The following LRRN2 variants were observed in gnomAD, a reference collection of about 807,000 sequenced individuals.
LRRN2 encodes the protein leucine-rich repeat neuronal protein 2.
LRRN2 carries 10 observed loss-of-function variants against 35.7 expected under a neutral mutation model. The ratio of observed to expected loss-of-function variants is 0.28; its 90% CI spans 0.17 to 0.47. The LOEUF is 0.47. LRRN2 is among the 20% of genes least tolerant of loss of function. LRRN2 has a pLI of 0.99. For missense variants in LRRN2, 731 were observed against 940.3 expected (o/e 0.78, Z 2.91); for synonymous variants, 391 against 409.6 (o/e 0.95, Z 0.55).
chr1:204,623,837 T>C (rs1667106484), intron 1 of LRRN2, among the ~76,000 whole-genome samples: 1 of 152,208 alleles, frequency 6.6e-6, no homozygotes, highest in Non-Finnish European at 1.5e-5. Context: ...ATGTAGCAGG[T>C]GCTTGAGAGT....
chr1:204,657,688 A>C (rs904224545), intron 1 of LRRN2, among the ~76,000 whole-genome samples: 3 of 152,160 alleles, frequency 2.0e-5, no homozygotes, highest in African/African-American at 7.2e-5. Context: ...GTGAATATAT[A>C]AAAAACTACC....
At chr1:204,624,309 C>T (rs1667152228) in intron 1 of LRRN2, among the ~76,000 whole-genome samples, 1 of 152,230 alleles carries the variant, frequency 6.6e-6, no homozygotes, top group African/African-American at 2.4e-5. Context: ...CCAGCTGCTG[C>T]ACACAGACCT....
chr1:204,669,768 A>G (rs1224433214), intron 1 of LRRN2, among the ~76,000 whole-genome samples: 3 of 152,216 alleles, frequency 2.0e-5, no homozygotes, highest in Admixed American at 1.3e-4. Context: ...CAGGGTGCAG[A>G]GTGCAGAGCA....
intron 1 of LRRN2, among the ~76,000 whole-genome samples, chr1:204,680,273 A>G (rs976732297): frequency 6.6e-6 from 1 of 152,346 alleles, no homozygotes; most frequent in Admixed American, 6.5e-5. Context: ...GTAAATGCTC[A>G]ATAAATGCTG....
chr1:204,641,278 C>T (rs1276103515), intron 1 of LRRN2, among the ~76,000 whole-genome samples: 1 of 152,190 alleles, frequency 6.6e-6, no homozygotes, highest in Non-Finnish European at 1.5e-5. Context: ...TCCTCCTCAT[C>T]TTTTCTTTTA....
intron 1 of LRRN2, among the ~76,000 whole-genome samples, chr1:204,655,016 A>C (rs1286613505): frequency 1.3e-5 from 2 of 152,168 alleles, no homozygotes; most frequent in East Asian, 3.9e-4. Flanking sequence ...CTGTGGTCTG[A>C]GTGTAGCTGT....
chr1:204,619,895 C>T lies in LRRN2; in HGVS notation c.98G>A (p.Cys33Tyr), dbSNP rs764305245. Residue 33 changes from cysteine to tyrosine, a missense_variant, in exon 2 of 2, where the codon TGT (cysteine) becomes TAT (tyrosine). By Grantham distance (194) the Cys-to-Tyr change is radical. Coordinates refer to ENST00000367177, the MANE Select transcript of LRRN2 (RefSeq NM_201630.2). ...VPWHVPCPPQ[C>Y]ACQIRPWYTP... ...ATACCAGGGCCGGATCTGGCAGGCA[C>T]ACTGAGGGGGGCAGGGAACATGCCA... is the stretch of plus-strand genomic sequence containing the variant. 6.2e-6 allele frequency: 10 copies of T among 1,613,780 alleles called. No homozygotes were observed. The highest frequency in any genetic ancestry group is 2.2e-5 in the South Asian group (2 of 91,066).
chr1:204,632,089 G>A (rs1454245171), intron 1 of LRRN2, among the ~76,000 whole-genome samples: 2 of 152,034 alleles, frequency 1.3e-5, no homozygotes, highest in African/African-American at 4.8e-5. Context: ...AAACACCTAT[G>A]TGGGTGTGGT....
Position 204,619,376 on chromosome 1 carries a change from T to C in LRRN2, c.617A>G (p.Asp206Gly), listed in dbSNP as rs777642542. The change falls in exon 2 of 2, where the codon GAC (aspartate) becomes GGC (glycine). Residue 206 changes from aspartate to glycine, a missense_variant. Asp to Gly is a moderately conservative substitution (Grantham distance 94). This residue lies in a region of LRRN2 where 246 missense variants were observed against 289.5 expected (regional missense o/e 0.85). Coordinates refer to ENST00000367177, the MANE Select transcript of LRRN2 (RefSeq NM_201630.2). ...IGGNKVDAIL[D>G]MNFRPLANLR... Reference sequence around the variant, plus strand: ...GTTGGCCAGGGGCCGGAAGTTCATGTCCAGGATGGCATCTACCTTGTTGCC... The same window carrying C: ...GTTGGCCAGGGGCCGGAAGTTCATGCCCAGGATGGCATCTACCTTGTTGCC... 1 of 1,614,250 alleles carries C rather than the reference T, an allele frequency of 6.2e-7. No homozygotes were observed. Among genetic ancestry groups the C allele is most frequent in the South Asian group, 1.1e-5 (1 of 91,082 alleles).
Position 204,618,113 on chromosome 1 carries a change from TC to T in LRRN2, c.1879del (p.Asp627ThrfsTer20). ...CAGGATGGCAATGAGCCCAGGACGG[TC>T]CCCTAAGGCTCTGTGGCAAGAAGTG... ...EATSCHRALG[D>X]RPGLIAILAL... On this transcript the variant is annotated frameshift_variant, in exon 2 of 2. Coordinates refer to ENST00000367177, the MANE Select transcript of LRRN2 (RefSeq NM_201630.2). LOFTEE classifies it high-confidence loss of function. The T allele has an allele frequency of 1.2e-6, 2 of 1,614,074 alleles. No homozygotes were observed. Among genetic ancestry groups the T allele is most frequent in the Non-Finnish European group, 1.7e-6 (2 of 1,179,986 alleles).
chr1:204,644,583 C>T (rs562890678), intron 1 of LRRN2, among the ~76,000 whole-genome samples: 12 of 152,320 alleles, frequency 7.9e-5, no homozygotes, highest in African/African-American at 2.9e-4. Flanking sequence ...CCTCCAAGTG[C>T]CAGCTCAGTT....
At position 204,617,900 on chromosome 1, in the gene LRRN2, C is replaced by T. The variant is rs114577626; in HGVS notation, c.2093G>A (p.Arg698Lys). 6.2e-7 allele frequency: 1 copy of T among 1,614,098 alleles called. No homozygotes were observed. The highest frequency in any genetic ancestry group is 1.3e-5 in the African/African-American group (1 of 75,068). ...CAACAGTGTCTCCCCTTCTGAGGAT[C>T]TGGGCAGCTTCCTCCCTGGATTCCA... ...LPWNPGRKLPRSSEGETLLPP... is the reference protein window; with the variant it reads ...LPWNPGRKLPKSSEGETLLPP... Residue 698 changes from arginine to lysine, a missense_variant, in exon 2 of 2, where the codon AGA becomes AAA. Arg to Lys is a conservative substitution (Grantham distance 26). Coordinates refer to ENST00000367177, the MANE Select transcript of LRRN2 (RefSeq NM_201630.2).
Position 204,619,286 on chromosome 1 carries a change from A to G in LRRN2, c.707T>C (p.Leu236Pro). ...GAAGGAGAGGCTCTCCAGGCTTTGC[A>G]GCCCCTCCAGGGCATAGTCGGAGAT... is the stretch of plus-strand genomic sequence containing the variant. ...REISDYALEG[L>P]QSLESLSFYD... is the part of the protein sequence containing the mutation. Residue 236 changes from leucine (L) to proline (P), a missense_variant, in exon 2 of 2, where the codon CTG (leucine) becomes CCG (proline). Leu to Pro is a moderately conservative substitution (Grantham distance 98). Coordinates refer to ENST00000367177, the MANE Select transcript of LRRN2 (RefSeq NM_201630.2). The G allele has an allele frequency of 6.2e-7, 1 of 1,614,172 alleles. No homozygotes were observed. The highest frequency in any genetic ancestry group is 8.5e-7 in the Non-Finnish European group (1 of 1,180,022).
intron 1 of LRRN2, among the ~76,000 whole-genome samples, chr1:204,668,793 A>T: frequency 6.6e-6 from 1 of 152,182 alleles, no homozygotes; most frequent in East Asian, 1.9e-4. Context: ...ACACGATAAT[A>T]TATGTGAAAG....
At chr1:204,671,181 A>G (rs1038312219) in intron 1 of LRRN2, among the ~76,000 whole-genome samples, 1 of 151,824 alleles carries the variant, frequency 6.6e-6, no homozygotes, top group African/African-American at 2.4e-5. Flanking sequence ...TAAGTTGGGG[A>G]GTTCTGCCTG....
At chr1:204,631,254 T>TTATA (rs1558407588) in intron 1 of LRRN2, among the ~76,000 whole-genome samples, 3 of 9,910 alleles carry the variant, frequency 3.0e-4, no homozygotes, top group African/African-American at 5.1e-4. Flanking sequence ...ACCTAGAGTG[T>TTATA]TCTATATATA....
chr1:204,670,842 G>A (rs1484384850), intron 1 of LRRN2, among the ~76,000 whole-genome samples: 1 of 152,206 alleles, frequency 6.6e-6, no homozygotes, highest in Non-Finnish European at 1.5e-5. Context: ...ACTGAAGCAG[G>A]GCTGGGGAAG....
intron 1 of LRRN2, among the ~76,000 whole-genome samples, chr1:204,676,238 T>C (rs1164398259): frequency 6.6e-6 from 1 of 152,144 alleles, no homozygotes; most frequent in African/African-American, 2.4e-5. Context: ...AAAGGTGAGA[T>C]AGCATCTTGT....
At chr1:204,681,585 C>T (rs984288553) in intron 1 of LRRN2, among the ~76,000 whole-genome samples, 11 of 152,168 alleles carry the variant, frequency 7.2e-5, no homozygotes, top group Non-Finnish European at 8.8e-5. Context: ...TCTACTCTGA[C>T]GGTGAACTCC....
Sources: gnomAD v4.1 joint callset for allele counts (sites outside exome capture counted in the v4.1 genomes callset) on GRCh38, gnomAD v4.1.1 for gene constraint, gnomAD v4.1.1 regional missense constraint, MANE v1.5 for transcripts, NCBI Gene and HGNC (gene_info 2026-07-23, HGNC 2026-07-21) for gene names.